Variants in CLSPN observed in about 807,000 individuals in gnomAD.
The protein encoded by CLSPN is claspin homolog.
A neutral mutation model predicts 156.3 loss-of-function variants in CLSPN; 85 were observed. The ratio of observed to expected loss-of-function variants is 0.54; its 90% confidence interval spans 0.46 to 0.65. The LOEUF (loss-of-function observed/expected upper bound fraction) is 0.65, where lower values mean the gene tolerates loss of function less well. Among genes scored for constraint, CLSPN ranks in the 30% least tolerant of loss-of-function variants. The probability of loss-of-function intolerance (pLI) is 0.00; values close to 1 mark genes in which losing one functional copy is unlikely to be tolerated. For missense variants in CLSPN, 1,407 were observed against 1,554.9 expected (o/e 0.90, Z 1.60); for synonymous variants, 534 against 542.4 (o/e 0.98, Z 0.22).
rs897846705 is a variant in CLSPN at position 35,733,827 on chromosome 1, A to T, written c.*2669T>A. 2.0e-5 allele frequency: 11 copies of T among 542,058 alleles called. No individual in the cohort carries two copies. The allele number at this position is 542,058 out of a possible 1,614,324, so 33.6% of individuals were successfully genotyped here. ...ACCCTGTCTCTACTAAAATAAAATA[A>T]TTAGCTGGGCATGGTGGCATATGCC... is the stretch of plus-strand genomic sequence containing the variant. On this transcript the variant is annotated 3_prime_UTR_variant, in exon 25 of 25. Transcript: ENST00000318121.
chr1:35,739,096 GC>G (rs776230969), intron 20 of CLSPN, 39 bp downstream of exon 20: 6 of 1,612,868 alleles, frequency 3.7e-6, no homozygotes, highest in African/African-American at 1.3e-5. Flanking sequence ...ACCATGCTCA[GC>G]CCGTAACTGA....
At chr1:35,749,388 C>A in intron 12 of CLSPN, 79 bp downstream of exon 12, 1 of 1,324,770 alleles carries the variant, frequency 7.5e-7, no homozygotes, top group Non-Finnish European at 1.1e-6. Context: ...AACATGGAAA[C>A]TTACCGTACT....
In CLSPN at chr1:35,747,933, A is replaced by C; in HGVS notation, c.2601T>G (p.Thr867=). The C allele has an allele frequency of 6.2e-7, 1 of 1,614,092 alleles. No homozygotes were observed. The highest frequency in any genetic ancestry group is 8.5e-7 in the Non-Finnish European group (1 of 1,180,002). Residue 867 remains threonine, a synonymous_variant, in exon 14 of 25, where the codon ACT becomes ACG. Coordinates refer to ENST00000318121, the MANE Select transcript of CLSPN (RefSeq NM_022111.4). ...CATCTGCATCCAACAGTTGGCTCTG[A>C]GTGTCATCTTCTAAACAGAACTGGA... ...GDFQFCLEDD[T]QSQLLDADGF...
chr1:35,733,540 TC>T lies in CLSPN; in HGVS notation c.*2955del, dbSNP rs1285086492. ...ACAAGAGGGAAGAAATATCTAGCCT[TC>T]CTGCTCAGTTCTCTTTTGCCCAGCA... On this transcript the variant is annotated 3_prime_UTR_variant, in exon 25 of 25. Coordinates refer to ENST00000318121, the MANE Select transcript of CLSPN (RefSeq NM_022111.4). The T allele has an allele frequency of 3.0e-6, 3 of 985,364 alleles. No individual in the cohort carries two copies. Among genetic ancestry groups the T allele is most frequent in the Admixed American group, 6.1e-5 (1 of 16,282 alleles). 61.0% of individuals were successfully genotyped at this position (985,364 alleles called of 1,614,324 possible). A position where few individuals can be genotyped will look rare whatever the true frequency, so the allele number is the denominator to read the frequency against.
intron 14 of CLSPN, among the ~76,000 whole-genome samples, chr1:35,747,226 G>A (rs968492036): frequency 1.3e-5 from 2 of 152,118 alleles, no homozygotes; most frequent in African/African-American, 2.4e-5. Context: ...GGAGGCTGAG[G>A]CAGGAGAAGG....
At chr1:35,726,716 A>G (rs1388010119) in intron 24 of CLSPN, among the ~76,000 whole-genome samples, 1 of 152,190 alleles carries the variant, frequency 6.6e-6, no homozygotes, top group African/African-American at 2.4e-5. Context: ...CACACAGAAA[A>G]CAAATCTATT....
At position 35,749,474 on chromosome 1, in the gene CLSPN, G is replaced by C; in HGVS notation, c.2265C>G (p.Ser755Arg). 1 of 1,613,988 alleles carries C rather than the reference G, an allele frequency of 6.2e-7. No homozygotes were observed. Among genetic ancestry groups the C allele is most frequent in the Admixed American group, 1.7e-5 (1 of 60,016 alleles). Residue 755 changes from serine to arginine, a missense_variant, in exon 12 of 25, where the codon AGC becomes AGG. Ser to Arg is a moderately radical substitution (Grantham distance 110). Transcript: ENST00000318121. The stretch of plus-strand genomic sequence containing the variant: ...ACAAGAATCACTACTTACCCAGTTT[G>C]CTAGGCTGCTTGCCTGAGTTTTCAT... ...ETDENSGKQPSKLDEDDSCSL... is the reference protein window; with the variant it reads ...ETDENSGKQPRKLDEDDSCSL...
intron 18 of CLSPN, among the ~76,000 whole-genome samples, chr1:35,742,859 T>C (rs1281081920): frequency 1.3e-5 from 2 of 151,720 alleles, no homozygotes; most frequent in African/African-American, 4.8e-5. Flanking sequence ...CGATTCTCCC[T>C]GCCTCAGCTT....
Position 35,760,384 on chromosome 1 carries a change from C to T in CLSPN, c.1537G>A (p.Asp513Asn). 1 of 1,614,070 alleles carries T rather than the reference C, an allele frequency of 6.2e-7. No individual in the cohort carries two copies. Residue 513 changes from aspartate (D) to asparagine (N), a missense_variant, in exon 8 of 25, where the codon GAT (aspartate) becomes AAT (asparagine). Physicochemically the swap from Asp to Asn is conservative, Grantham distance 23. Coordinates refer to ENST00000318121, the MANE Select transcript of CLSPN (RefSeq NM_022111.4). ...DVSIKPRLGA[D>N]EDSFVILEPE... ...TCAAGTATCACAAAGGAATCTTCAT[C>T]AGCACCTAGCCGTGGTTTAATGGAA...
intron 24 of CLSPN, among the ~76,000 whole-genome samples, chr1:35,726,205 C>T (rs996792148): frequency 6.8e-6 from 1 of 147,018 alleles, no homozygotes; most frequent in Non-Finnish European, 1.5e-5. Flanking sequence ...TCCAGGATGG[C>T]CCCCAGCAGG....
downstream of CLSPN, among the ~76,000 whole-genome samples, chr1:35,731,753 T>C (rs928721636): frequency 3.9e-5 from 6 of 152,190 alleles, no homozygotes. Flanking sequence ...AGGTCAAGAA[T>C]GCTCTCCAGA....
chr1:35,738,372 C>A, intron 21 of CLSPN, 83 bp downstream of exon 21: 1 of 1,427,248 alleles, frequency 7.0e-7, no homozygotes, highest in Non-Finnish European at 9.6e-7. Context: ...TTGAAACTAT[C>A]ATGACAAGCT....
chr1:35,744,538 C>T (rs1641808632), intron 16 of CLSPN, among the ~76,000 whole-genome samples: 2 of 152,156 alleles, frequency 1.3e-5, no homozygotes, highest in Non-Finnish European at 2.9e-5. Flanking sequence ...TCAAGTGATG[C>T]GCCCACCTCA....
At chr1:35,764,748 C>A (rs370132211) in intron 2 of CLSPN, 34 bp from the exon 3 acceptor site, 35 of 1,388,228 alleles carry the variant, frequency 2.5e-5, no homozygotes, top group Non-Finnish European at 2.6e-5. Context: ...ATTATACCAT[C>A]ATTTGATCTT....
At chr1:35,724,593 C>T (rs1489742515) in intron 24 of CLSPN, among the ~76,000 whole-genome samples, 2 of 152,212 alleles carry the variant, frequency 1.3e-5, no homozygotes, top group African/African-American at 4.8e-5. Flanking sequence ...CATCATCTGT[C>T]AACTTCCCCA....
chr1:35,751,468 C>T lies in CLSPN; in HGVS notation c.1810G>A (p.Ala604Thr), dbSNP rs769998007. Residue 604 changes from alanine to threonine, a missense_variant, in exon 10 of 25, where the codon GCA becomes ACA. Coordinates refer to ENST00000318121, the MANE Select transcript of CLSPN (RefSeq NM_022111.4). ...LQVLKAKLQE[A>T]MKLRRFEERQ... ...TCCTCAAACCTTCGGAGTTTCATTG[C>T]TTCTTGCAGTTTAGCTTTTAACACC... 2 of 1,614,080 alleles carry T rather than the reference C, an allele frequency of 1.2e-6. No individual in the cohort carries two copies. The highest frequency in any genetic ancestry group is 1.7e-6 in the Non-Finnish European group (2 of 1,179,990).
intron 5 of CLSPN, 126 bp downstream of exon 5, chr1:35,762,278 A>T: frequency 1.1e-6 from 1 of 883,362 alleles, no homozygotes; most frequent in Non-Finnish European, 1.8e-6. Flanking sequence ...TGTTCCTACT[A>T]TGTACAAAGC....
downstream of CLSPN, among the ~76,000 whole-genome samples, chr1:35,730,271 T>C (rs1300572291): frequency 6.6e-6 from 1 of 152,002 alleles, no homozygotes; most frequent in Non-Finnish European, 1.5e-5. Flanking sequence ...AGGCTGGGTG[T>C]GGTGGCTCAT....
chr1:35,720,998 GA>G, intron 24 of CLSPN: 1 of 1,558,028 alleles, frequency 6.4e-7, no homozygotes, highest in South Asian at 1.1e-5. Context: ...GAAATTAAAG[GA>G]AGACGAGGCA....
Sources: allele counts gnomAD v4.1 joint callset (sites outside exome capture counted in the v4.1 genomes callset), GRCh38; gene constraint gnomAD v4.1.1; transcripts MANE v1.5; gene names NCBI Gene and HGNC (gene_info 2026-07-23, HGNC 2026-07-21).